Variants in NIPAL2 observed in about 807,000 individuals in gnomAD.
NIPAL2 encodes the protein NIPA-like protein 2.
Under a neutral mutation model 48.9 loss-of-function variants are expected in NIPAL2, and 43 were observed. The ratio of observed to expected loss-of-function variants is 0.88; its 90% CI spans 0.69 to 1.13. The LOEUF (loss-of-function observed/expected upper bound fraction) is 1.13, where lower values mean the gene tolerates loss of function less well. Ranked by LOEUF, NIPAL2 falls within the 50% of genes most tolerant of loss-of-function variation. The probability of loss-of-function intolerance (pLI) is 0.00; values close to 1 mark genes in which losing one functional copy is unlikely to be tolerated. For missense variants in NIPAL2, 446 were observed against 461.4 expected, an observed-to-expected ratio of 0.97 and a Z score of 0.31; for synonymous variants, 167 against 174.6, an observed-to-expected ratio of 0.96 and a Z score of 0.34.
Position 98,252,518 on chromosome 8 carries a change from G to A in NIPAL2, c.321C>T (p.Ala107=). Residue 107 remains alanine, a synonymous_variant, in exon 3 of 11, where the codon GCC becomes GCT. Coordinates refer to ENST00000430223, the MANE Select transcript of NIPAL2 (RefSeq NM_001321635.2). ...TCAGAGTAATGGGAGCAAATCCATAGGCTGCAAAGTTCCCCGTCTCTCCCA... is the reference window on the plus strand; with the variant it reads ...TCAGAGTAATGGGAGCAAATCCATAAGCTGCAAAGTTCCCCGTCTCTCCCA... The part of the protein sequence containing the change: ...MAVGETGNFA[A]YGFAPITLIA... The A allele has an allele frequency of 6.2e-7, 1 of 1,614,064 alleles. No individual in the cohort carries two copies. The highest frequency in any genetic ancestry group is 8.5e-7 in the Non-Finnish European group (1 of 1,179,990).
In NIPAL2 at chr8:98,189,920, A is replaced by G. The variant is rs1306175882; in HGVS notation, c.*3058T>C. On this transcript the variant is annotated 3_prime_UTR_variant, in exon 11 of 11. Transcript: ENST00000430223. Reference sequence around the variant, plus strand: ...CAGGGCAAGCAAACATTTAAGCCAAAAAACAATCATATGGCAAAGGCCTCT... The same window carrying G: ...CAGGGCAAGCAAACATTTAAGCCAAGAAACAATCATATGGCAAAGGCCTCT... 6.6e-6 allele frequency: 1 copy of G among 152,230 alleles called. No homozygotes were observed. Among genetic ancestry groups the G allele is most frequent in the Non-Finnish European group, 1.5e-5 (1 of 68,052 alleles). 9.4% of individuals were successfully genotyped at this position (152,230 alleles called of 1,614,324 possible).
intron 3 of NIPAL2, among the ~76,000 whole-genome samples, chr8:98,240,710 T>A (rs992331602): frequency 6.6e-6 from 1 of 152,130 alleles, no homozygotes; most frequent in African/African-American, 2.4e-5. Context: ...TGCTGGGAAG[T>A]GGAATATGGA....
At chr8:98,205,008 C>T in intron 7 of NIPAL2, 103 bp downstream of exon 7, 1 of 1,253,434 alleles carries the variant, frequency 8.0e-7, no homozygotes, top group Non-Finnish European at 1.1e-6. Flanking sequence ...CCTTAGAAAT[C>T]AGTTGTATCT....
At chr8:98,271,766 A>G (rs1815143553) in intron 1 of NIPAL2, among the ~76,000 whole-genome samples, 1 of 151,942 alleles carries the variant, frequency 6.6e-6, no homozygotes, top group African/African-American at 2.4e-5. Flanking sequence ...GTCTTGTTCC[A>G]GTTCTTAAGG....
rs879592285 is a variant in NIPAL2 at position 98,266,973 on chromosome 8, TAA to T, written c.136-12888_136-12887del. ...AAAGCAATCATATAAATGGTTCCTTTAAAAAAAAAAAACTGCCAACCTGTTGT... is the reference window on the plus strand; with the variant it reads ...AAAGCAATCATATAAATGGTTCCTTTAAAAAAAAAACTGCCAACCTGTTGT... On this transcript the variant is annotated intron_variant, in intron 1 of 10. Transcript: ENST00000430223. Among the ~76,000 whole-genome samples the T allele has an allele frequency of 3.3e-3, 486 of 145,448 alleles. 2 individuals carry two copies. The highest frequency in any genetic ancestry group is 0.011 in the African/African-American group (453 of 40,108).
intron 4 of NIPAL2, among the ~76,000 whole-genome samples, chr8:98,232,126 T>C (rs1423779885): frequency 6.6e-6 from 1 of 152,168 alleles, no homozygotes; most frequent in African/African-American, 2.4e-5. Flanking sequence ...GAAAAGTCCT[T>C]CCTTGGACTT....
At chr8:98,243,997 T>C (rs527882383) in intron 3 of NIPAL2, among the ~76,000 whole-genome samples, 48 of 152,286 alleles carry the variant, frequency 3.2e-4, no homozygotes, top group African/African-American at 1.2e-3. Context: ...ACTTTGTTTA[T>C]TTCTTTCTGT....
chr8:98,289,977 C>T (rs1465034686), intron 1 of NIPAL2, among the ~76,000 whole-genome samples: 6 of 152,180 alleles, frequency 3.9e-5, no homozygotes, highest in African/African-American at 1.4e-4. Flanking sequence ...AAGCCTTAAT[C>T]ATTTTCCCCT....
At chr8:98,193,778 G>C (rs1186984574) in intron 10 of NIPAL2, among the ~76,000 whole-genome samples, 2 of 150,928 alleles carry the variant, frequency 1.3e-5, no homozygotes, top group Admixed American at 1.3e-4. Flanking sequence ...ACTCCAGCCT[G>C]GGCAACAGAG....
At chr8:98,253,071 G>A (rs1813682710) in intron 2 of NIPAL2, among the ~76,000 whole-genome samples, 1 of 151,990 alleles carries the variant, frequency 6.6e-6, no homozygotes, top group South Asian at 2.1e-4. Flanking sequence ...GGCCCTCTCG[G>A]TTATCAGATC....
intron 1 of NIPAL2, among the ~76,000 whole-genome samples, chr8:98,286,865 C>T (rs1320917665): frequency 6.7e-6 from 1 of 150,160 alleles, no homozygotes; most frequent in Non-Finnish European, 1.5e-5. Flanking sequence ...TGAGACTGAC[C>T]AAGGGCTGGG....
chr8:98,226,150 C>T (rs996908335), intron 4 of NIPAL2, among the ~76,000 whole-genome samples: 9 of 152,176 alleles, frequency 5.9e-5, no homozygotes, highest in East Asian at 5.8e-4. Context: ...TGAGTTTCCT[C>T]GAAACAGCTA....
chr8:98,276,975 G>C (rs988893825), intron 1 of NIPAL2, among the ~76,000 whole-genome samples: 4 of 151,746 alleles, frequency 2.6e-5, no homozygotes, highest in Non-Finnish European at 5.9e-5. Context: ...TCACCCTGTT[G>C]GCCAGGCTGG....
chr8:98,272,765 G>A (rs1399429692), intron 1 of NIPAL2, among the ~76,000 whole-genome samples: 1 of 151,956 alleles, frequency 6.6e-6, no homozygotes, highest in Non-Finnish European at 1.5e-5. Flanking sequence ...CAGACGCGTG[G>A]CACAATGCCT....
intron 3 of NIPAL2, among the ~76,000 whole-genome samples, chr8:98,248,640 T>G (rs1319290882): frequency 1.3e-5 from 2 of 152,260 alleles, no homozygotes; most frequent in African/African-American, 2.4e-5. Context: ...TTGACCTTTC[T>G]GCTGCCCTGG....
intron 4 of NIPAL2, among the ~76,000 whole-genome samples, chr8:98,232,226 A>G (rs148679951): frequency 2.3e-4 from 35 of 152,254 alleles, no homozygotes; most frequent in African/African-American, 8.4e-4. Context: ...TAGGTGACTA[A>G]ATCCTTTTTT....
At position 98,194,753 on chromosome 8, in the gene NIPAL2, A is replaced by C. The variant is rs762729025; in HGVS notation, c.1014T>G (p.Ser338=). ...RNREKEHLQQ[S]YIDFGNIPGK... ...CAGGAATATTTCCAAAATCAATATA[A>C]GACTGTTGCAGATGTTCCTTTTCTC... Residue 338 remains serine, a synonymous_variant, in exon 10 of 11, where the codon TCT becomes TCG. Transcript: ENST00000430223. 1.5e-5 allele frequency: 23 copies of C among 1,570,010 alleles called. No homozygotes were observed. Among genetic ancestry groups the C allele is most frequent in the Non-Finnish European group, 1.7e-5 (20 of 1,162,922 alleles).
intron 1 of NIPAL2, among the ~76,000 whole-genome samples, chr8:98,276,155 G>C (rs1163516339): frequency 2.6e-5 from 4 of 151,956 alleles, no homozygotes. Flanking sequence ...ATGCTCTATT[G>C]GTTTTGGTAA....
intron 1 of NIPAL2, among the ~76,000 whole-genome samples, chr8:98,264,528 C>G (rs975430842): frequency 8.6e-5 from 13 of 150,868 alleles, no homozygotes; most frequent in Non-Finnish European, 1.5e-4. Flanking sequence ...CTCCCATTCA[C>G]AATTGCTTCA....
Sources: gnomAD v4.1 joint callset for allele counts (sites outside exome capture counted in the v4.1 genomes callset) on GRCh38, gnomAD v4.1.1 for gene constraint, MANE v1.5 for transcripts, NCBI Gene and HGNC (gene_info 2026-07-23, HGNC 2026-07-21) for gene names.